Variants in HTRA1 observed in about 807,000 individuals in gnomAD.
The protein encoded by HTRA1 is HtrA serine peptidase 1.
In HTRA1, 26 loss-of-function variants were observed where a neutral mutation model predicts 49.7. The observed-to-expected ratio is 0.52, with a 90% confidence interval of 0.38 to 0.73. The LOEUF (loss-of-function observed/expected upper bound fraction) is 0.73, where lower values mean the gene tolerates loss of function less well. HTRA1 is among the 30% of genes least tolerant of loss of function. HTRA1 has a pLI of 0.00. For synonymous variants in HTRA1, 291 were observed against 286.9 expected (o/e 1.01, Z -0.14); for missense variants, 561 against 667.2 (o/e 0.84, Z 1.75).
At chr10:122,499,877 C>A (rs566682972) in intron 3 of HTRA1, among the ~76,000 whole-genome samples, 1 of 152,234 alleles carries the variant, frequency 6.6e-6, no homozygotes, top group Non-Finnish European at 1.5e-5. Flanking sequence ...TGAACCAACA[C>A]AGGACCAGCC....
rs140088745 is a variant in HTRA1 at position 122,461,989 on chromosome 10, G to T, written c.337G>T (p.Ala113Ser). 1,366 of 1,526,076 alleles carry T rather than the reference G, an allele frequency of 9.0e-4. 15 individuals are homozygous for T. In the African/African-American group the frequency reaches 0.017, roughly 19 times the overall value. The allele number at this position is 1,526,076 out of a possible 1,614,324, so 94.5% of individuals were successfully genotyped here. ...CGCGCAGGCCGGCCTCTGTGTGTGC[G>T]CCAGCAGCGAGCCGGTGTGCGGCAG... is the stretch of plus-strand genomic sequence containing the variant. Reference protein sequence around the residue: ...RRAQAGLCVCASSEPVCGSDA... With the variant: ...RRAQAGLCVCSSSEPVCGSDA... The change falls in exon 1 of 9, where the codon GCC becomes TCC. Residue 113 changes from alanine to serine, a missense_variant. By Grantham distance (99) the Ala-to-Ser change is moderately conservative (BLOSUM62 1). Around this residue, in one of 3 missense-constraint regions of HTRA1, gnomAD observed 271 missense variants for 410.0 expected, o/e 0.66. Transcript: ENST00000368984.
At chr10:122,476,400 A>G (rs1205319821) in intron 1 of HTRA1, among the ~76,000 whole-genome samples, 1 of 152,154 alleles carries the variant, frequency 6.6e-6, no homozygotes, top group Non-Finnish European at 1.5e-5. Context: ...TTAGTTAACC[A>G]CCTGCCTCCA....
At chr10:122,462,639 C>T (rs2097482023) in intron 1 of HTRA1, among the ~76,000 whole-genome samples, 1 of 152,224 alleles carries the variant, frequency 6.6e-6, no homozygotes, top group Non-Finnish European at 1.5e-5. Flanking sequence ...TGGAAAGGAA[C>T]AGTGTTTGCC....
At chr10:122,474,100 G>T (rs1021322963) in intron 1 of HTRA1, among the ~76,000 whole-genome samples, 2 of 152,156 alleles carry the variant, frequency 1.3e-5, no homozygotes, top group African/African-American at 4.8e-5. Flanking sequence ...TTAAAACCAA[G>T]AATATTCTAT....
chr10:122,473,841 C>T (rs1035413463), intron 1 of HTRA1, among the ~76,000 whole-genome samples: 5 of 152,216 alleles, frequency 3.3e-5, no homozygotes, highest in African/African-American at 9.7e-5. Context: ...GAATACGTAA[C>T]GGGCTTCTGT....
chr10:122,501,365 C>CCAAA (rs1233937824), intron 3 of HTRA1, among the ~76,000 whole-genome samples: 23 of 152,218 alleles, frequency 1.5e-4, no homozygotes, highest in East Asian at 3.9e-4. Context: ...CTCCACCCTG[C>CCAAA]CAAACAAACA....
intron 1 of HTRA1, among the ~76,000 whole-genome samples, chr10:122,483,237 G>A (rs1467794456): frequency 5.3e-5 from 8 of 152,154 alleles, no homozygotes; most frequent in African/African-American, 1.9e-4. Context: ...CTTCAAGGAA[G>A]CAACATTTAT....
At chr10:122,505,288 G>C (rs2097502582) in intron 3 of HTRA1, among the ~76,000 whole-genome samples, 1 of 152,092 alleles carries the variant, frequency 6.6e-6, no homozygotes, top group Non-Finnish European at 1.5e-5. Context: ...TGTGATCTGA[G>C]GGACCTTCCT....
Position 122,514,298 on chromosome 10 carries a change from TG to T in HTRA1, c.1384del (p.Val462SerfsTer9). 1 of 1,614,090 alleles carries T rather than the reference TG, an allele frequency of 6.2e-7. No individual in the cohort carries two copies. Among genetic ancestry groups the T allele is most frequent in the Non-Finnish European group, 8.5e-7 (1 of 1,180,014 alleles). ...VIKRESTLNM[V>X]VRRGNEDIMI... ...AAAAGGGAAAGCACCCTGAACATGG[TG>T]GTCCGCAGGGGTAATGAAGATATCA... On this transcript the variant is annotated frameshift_variant, in exon 9 of 9. Coordinates refer to ENST00000368984, the MANE Select transcript of HTRA1 (RefSeq NM_002775.5). LOFTEE classifies it high-confidence loss of function.
intron 3 of HTRA1, among the ~76,000 whole-genome samples, chr10:122,498,095 A>G (rs1196900096): frequency 6.6e-6 from 1 of 152,196 alleles, no homozygotes; most frequent in Non-Finnish European, 1.5e-5. Flanking sequence ...GTGTTCATAA[A>G]CACCGAGGAG....
Position 122,507,315 on chromosome 10 carries a change from G to A in HTRA1, c.973-55G>A, listed in dbSNP as rs373327014. 169 of 1,479,796 alleles carry A rather than the reference G, an allele frequency of 1.1e-4. No individual in the cohort carries two copies. The African/African-American group carries it at 2.1e-3, about 18-fold the overall frequency. 91.7% of individuals were successfully genotyped at this position (1,479,796 alleles called of 1,614,324 possible). Reference sequence around the variant, plus strand: ...CAGGAAACGACCAGGCAGGGACATAGATTGAACCATGTTATGACACGATTT... The same window carrying A: ...CAGGAAACGACCAGGCAGGGACATAAATTGAACCATGTTATGACACGATTT... On this transcript the variant is annotated intron_variant, in intron 4 of 8. Coordinates refer to ENST00000368984, the MANE Select transcript of HTRA1 (RefSeq NM_002775.5).
At chr10:122,483,627 A>G (rs535878183) in intron 1 of HTRA1, among the ~76,000 whole-genome samples, 1 of 152,326 alleles carries the variant, frequency 6.6e-6, no homozygotes, top group Non-Finnish European at 1.5e-5. Flanking sequence ...CCTGCTCAGA[A>G]TTTTCACTGA....
chr10:122,488,177 C>T lies in HTRA1; in HGVS notation c.473-725C>T, dbSNP rs546066977. On this transcript the variant is annotated intron_variant, in intron 1 of 8. Transcript: ENST00000368984. Reference sequence around the variant, plus strand: ...GCCTCTCCTAGAAAAAGCCCCGGTGCTCTTTGCTCCTGCGGTGTTTCTCAG... The same window carrying T: ...GCCTCTCCTAGAAAAAGCCCCGGTGTTCTTTGCTCCTGCGGTGTTTCTCAG... Among the ~76,000 whole-genome samples the T allele has an allele frequency of 1.4e-4, 21 of 152,262 alleles. No homozygotes were observed. In the South Asian group the frequency reaches 3.9e-3, roughly 29 times the overall value.
intron 3 of HTRA1, among the ~76,000 whole-genome samples, chr10:122,495,391 T>A (rs1004562755): frequency 2.6e-5 from 4 of 152,134 alleles, no homozygotes; most frequent in African/African-American, 9.7e-5. Flanking sequence ...TTTTTACCAT[T>A]TTTAGGGGGA....
At chr10:122,513,092 A>G (rs1327035372) in intron 8 of HTRA1, among the ~76,000 whole-genome samples, 2 of 152,230 alleles carry the variant, frequency 1.3e-5, no homozygotes, top group African/African-American at 2.4e-5. Flanking sequence ...TAGCTTCAAC[A>G]GAGACCATAT....
chr10:122,481,877 C>G (rs2097491164), intron 1 of HTRA1, among the ~76,000 whole-genome samples: 1 of 152,196 alleles, frequency 6.6e-6, no homozygotes, highest in South Asian at 2.1e-4. Flanking sequence ...CCATGTAAGA[C>G]ATGACATGCT....
rs976809208 is a variant in HTRA1 at position 122,494,644 on chromosome 10, G to A, written c.777+5018G>A. On this transcript the variant is annotated intron_variant, in intron 3 of 8. Transcript: ENST00000368984. This position sits in a 1 kb window ranked among gnomAD's most constrained non-coding sequence, Gnocchi z 4.0. ...TTTCCTCCCTCCCCTGTAGGCCTGC[G>A]CCACCCCCCCAACCCCACGGCCACC... 2.6e-5 allele frequency among the ~76,000 whole-genome samples: 4 copies of A among 151,870 alleles called. No individual in the cohort carries two copies. The highest frequency in any genetic ancestry group is 9.7e-5 in the African/African-American group (4 of 41,358).
chr10:122,488,612 GA>G (rs1312145602), intron 1 of HTRA1, among the ~76,000 whole-genome samples: 1 of 152,196 alleles, frequency 6.6e-6, no homozygotes, highest in African/African-American at 2.4e-5. Flanking sequence ...CAGCTTCTTG[GA>G]AAGGCTGGTG....
At chr10:122,509,927 C>T (rs1280006683) in intron 6 of HTRA1, among the ~76,000 whole-genome samples, 169 bp from the exon 7 acceptor site, 4 of 152,160 alleles carry the variant, frequency 2.6e-5, no homozygotes, top group Non-Finnish European at 5.9e-5. Context: ...TGGGACTTTC[C>T]CAAGGTCCCC....
Sources: allele counts gnomAD v4.1 joint callset (sites outside exome capture counted in the v4.1 genomes callset), GRCh38; gene constraint gnomAD v4.1.1; regional missense constraint gnomAD v4.1.1; non-coding constraint Gnocchi (gnomAD v3.1); transcripts MANE v1.5; gene names NCBI Gene and HGNC (gene_info 2026-07-23, HGNC 2026-07-21).